The following NFIC variants were observed in gnomAD, a reference collection of about 807,000 sequenced individuals.
NFIC encodes the protein nuclear factor 1 C-type.
In NFIC, 12 loss-of-function variants were observed where a neutral mutation model predicts 54.4. The ratio of observed to expected loss-of-function variants is 0.22; its 90% CI spans 0.14 to 0.36. The LOEUF (loss-of-function observed/expected upper bound fraction) is 0.36. Among genes scored for constraint, NFIC ranks in the 10% least tolerant of loss-of-function variants. The pLI, the probability that NFIC is intolerant of heterozygous loss-of-function variation, is 1.00. For synonymous variants in NFIC, 322 were observed against 319.2 expected (o/e 1.01, Z -0.09); for missense variants, 575 against 718.2 (o/e 0.80, Z 2.28).
upstream of NFIC, among the ~76,000 whole-genome samples, chr19:3,361,748 A>AGGGAC (rs2080814692): frequency 6.6e-6 from 1 of 151,926 alleles, no homozygotes; most frequent in South Asian, 2.1e-4. Flanking sequence ...GCACTCCCGG[A>AGGGAC]GGGACGGTTG....
intron 1 of NFIC, among the ~76,000 whole-genome samples, chr19:3,360,370 C>A (rs1394546281): frequency 6.6e-6 from 1 of 150,540 alleles, no homozygotes; most frequent in Non-Finnish European, 1.5e-5. Flanking sequence ...GCGCGGGGTC[C>A]CCAGCTGGGA....
chr19:3,426,962 T>G (rs957682639), intron 3 of NFIC, among the ~76,000 whole-genome samples: 1 of 150,220 alleles, frequency 6.7e-6, no homozygotes, highest in Non-Finnish European at 1.5e-5. Flanking sequence ...AGTCAGGCTC[T>G]GTCGCCCAGG....
At chr19:3,384,870 T>G (rs1282258520) in intron 2 of NFIC, among the ~76,000 whole-genome samples, 1 of 151,144 alleles carries the variant, frequency 6.6e-6, no homozygotes, top group Admixed American at 6.6e-5. Context: ...GGGACGGAGG[T>G]TCTCATCGTC....
At chr19:3,410,609 G>C (rs1432852657) in intron 2 of NFIC, 1 of 152,440 alleles carries the variant, frequency 6.6e-6, no homozygotes, top group Non-Finnish European at 1.5e-5. Flanking sequence ...GAAGAAGGTG[G>C]GCTTTTCCCC....
At chr19:3,388,207 G>A (rs1157912563) in intron 2 of NFIC, among the ~76,000 whole-genome samples, 3 of 152,224 alleles carry the variant, frequency 2.0e-5, no homozygotes, top group African/African-American at 7.2e-5. Context: ...GCTGCCCCGG[G>A]TGCCCTGGAG....
At position 3,469,177 on chromosome 19, in the gene NFIC, A is replaced by G. The variant is rs2082757015; in HGVS notation, c.*6408A>G. On this transcript the variant is annotated 3_prime_UTR_variant, in exon 11 of 11. Transcript: ENST00000443272. ...ACAAACAAAAAAAAAAGAAAAAAGA[A>G]AAAAATGTATAAAAATTAAACAAGC... is the stretch of plus-strand genomic sequence containing the variant. The G allele has an allele frequency of 6.6e-6, 1 of 152,232 alleles. No homozygotes were observed. The allele number at this position is 152,232 out of a possible 1,614,324, so 9.4% of individuals were successfully genotyped here.
At chr19:3,420,778 A>G (rs1191498238) in intron 2 of NFIC, among the ~76,000 whole-genome samples, 6 of 151,726 alleles carry the variant, frequency 4.0e-5, no homozygotes, top group African/African-American at 1.5e-4. Context: ...CTAGAGTGCA[A>G]TTGGCCCGAT....
chr19:3,367,140 T>A (rs1393171569), intron 1 of NFIC, among the ~76,000 whole-genome samples: 1 of 152,008 alleles, frequency 6.6e-6, no homozygotes, highest in Non-Finnish European at 1.5e-5. Context: ...GGACCTCTCA[T>A]GTGTTTTCCC....
At chr19:3,396,635 C>A (rs1291384655) in intron 2 of NFIC, among the ~76,000 whole-genome samples, 1 of 151,920 alleles carries the variant, frequency 6.6e-6, no homozygotes, top group Admixed American at 6.6e-5. Flanking sequence ...CGCTCGTAGC[C>A]CAGAGCTTGC....
At chr19:3,414,180 C>G (rs898552879) in intron 2 of NFIC, among the ~76,000 whole-genome samples, 1 of 152,174 alleles carries the variant, frequency 6.6e-6, no homozygotes, top group Non-Finnish European at 1.5e-5. Context: ...CAGGGCCACA[C>G]AGCCGGAAGC....
At chr19:3,387,936 G>A (rs1327635860) in intron 2 of NFIC, among the ~76,000 whole-genome samples, 1 of 152,072 alleles carries the variant, frequency 6.6e-6, no homozygotes, top group African/African-American at 2.4e-5. Flanking sequence ...AGGCCTCCCC[G>A]CCCCCTCTGG....
chr19:3,433,585 G>A lies in NFIC; in HGVS notation c.702G>A (p.Val234=). 1.2e-6 allele frequency: 2 copies of A among 1,613,840 alleles called. No individual in the cohort carries two copies. The highest frequency in any genetic ancestry group is 1.7e-6 in the Non-Finnish European group (2 of 1,179,786). The part of the protein sequence containing the change: ...GVFSVTELIQ[V]SRTPVVTGTG... ...TCAGCGTCACTGAGCTCATCCAAGT[G>A]TCCCGGAGTGAGTGTTCCCGTCAGC... Residue 234 remains valine (V), a synonymous_variant, in exon 4 of 11, where the codon GTG becomes GTA. Coordinates refer to ENST00000443272, the MANE Select transcript of NFIC (RefSeq NM_001245002.2).
chr19:3,363,259 A>ATT (rs1568391856), upstream of NFIC, among the ~76,000 whole-genome samples: 18 of 23,848 alleles, frequency 7.5e-4, no homozygotes, highest in African/African-American at 3.1e-3. Context: ...ATATATATAT[A>ATT]TATATATATA....
upstream of NFIC, chr19:3,366,400 GGGGAGAGAGGAAGAGAGAGACGGA>G (rs1404098754): frequency 1.1e-5 from 5 of 466,870 alleles, no homozygotes; most frequent in Admixed American, 8.9e-5. Flanking sequence ...GACAGAGACG[GGGGAGAGAGGAAGAGAGAGACGGA>G]GGGAGAGAGG....
chr19:3,431,360 C>CTTTTTTT (rs71164702), intron 3 of NFIC, among the ~76,000 whole-genome samples: 4 of 84,168 alleles, frequency 4.8e-5, no homozygotes, highest in Admixed American at 1.7e-4. Flanking sequence ...TTTCCTTCTT[C>CTTTTTTT]TTTTTTTTTT....
intron 2 of NFIC, among the ~76,000 whole-genome samples, chr19:3,421,454 CA>C: frequency 6.6e-6 from 1 of 152,258 alleles, no homozygotes; most frequent in Non-Finnish European, 1.5e-5. Flanking sequence ...GGGCCGCTGG[CA>C]GCCCCAGCCT....
intron 2 of NFIC, among the ~76,000 whole-genome samples, chr19:3,392,721 C>T (rs1000574725): frequency 6.6e-6 from 1 of 152,214 alleles, no homozygotes; most frequent in African/African-American, 2.4e-5. Flanking sequence ...GTGCCCACGG[C>T]CCCCTCCAGC....
rs749826547 is a variant in NFIC at position 3,381,939 on chromosome 19, C to G, written c.258C>G (p.Pro86=). The G allele has an allele frequency of 6.2e-7, 1 of 1,613,532 alleles. No individual in the cohort carries two copies. The highest frequency in any genetic ancestry group is 8.5e-7 in the Non-Finnish European group (1 of 1,179,906). Residue 86 remains proline (P), a synonymous_variant, in exon 2 of 11, where the codon CCC becomes CCG. Coordinates refer to ENST00000443272, the MANE Select transcript of NFIC (RefSeq NM_001245002.2). ...CCAAGCTGCGCAAGGACATCCGGCC[C>G]GAGTGCCGCGAGGACTTCGTGCTGA... The part of the protein sequence containing the change: ...LLAKLRKDIR[P]ECREDFVLSI...
chr19:3,393,537 G>A (rs2145509904), intron 2 of NFIC, among the ~76,000 whole-genome samples: 1 of 152,098 alleles, frequency 6.6e-6, no homozygotes, highest in South Asian at 2.1e-4. Flanking sequence ...AATGTTGGCT[G>A]GGCGTGGTGG....
Sources: gnomAD v4.1 joint callset for allele counts (sites outside exome capture counted in the v4.1 genomes callset) on GRCh38, gnomAD v4.1.1 for gene constraint, MANE v1.5 for transcripts, NCBI Gene and HGNC (gene_info 2026-07-23, HGNC 2026-07-21) for gene names.